L1CAM: variants seen among roughly 807,000 people sequenced by gnomAD.
L1CAM encodes the protein L1 cell adhesion molecule.
Under a neutral mutation model 93.0 loss-of-function variants are expected in L1CAM, and 8 were observed. The ratio of observed to expected loss-of-function variants is 0.09; its 90% CI spans 0.05 to 0.16. The LOEUF (loss-of-function observed/expected upper bound fraction) is 0.16, where lower values mean the gene tolerates loss of function less well. L1CAM is among the 10% of genes least tolerant of loss of function. The pLI, the probability that L1CAM is intolerant of heterozygous loss-of-function variation, is 1.00. For synonymous variants in L1CAM, 453 were observed against 453.0 expected (o/e 1.00, Z 0.00); for missense variants, 777 against 1,073.4 (o/e 0.72, Z 3.86).
At chrX:153,880,109 G>T (rs911360523) in intron 1 of L1CAM, among the ~76,000 whole-genome samples, 1 of 111,839 alleles carries the variant, frequency 8.9e-6, no homozygotes, top group Admixed American at 9.4e-5. Context: ...CACTACACCC[G>T]CAGGTCCCTC....
At chrX:153,883,819 G>A (rs1257689356) in intron 1 of L1CAM, 6 of 341,971 alleles carry the variant, frequency 1.8e-5, no homozygotes, top group East Asian at 9.7e-5. Flanking sequence ...GCCACTCTGC[G>A]AGGCCGCATC....
intron 20 of L1CAM, 53 bp downstream of exon 20, chrX:153,865,651 G>A: frequency 9.6e-7 from 1 of 1,044,372 alleles, no homozygotes; most frequent in East Asian, 3.0e-5. Context: ...TCACCATCCT[G>A]TCGCTTTACC....
chrX:153,870,267 C>A (rs1438144256), intron 8 of L1CAM, 27 bp from the exon 9 acceptor site: 10 of 1,202,101 alleles, frequency 8.3e-6, no homozygotes, highest in Non-Finnish European at 1.1e-5. Flanking sequence ...GGGAAGAGAG[C>A]AGAAGGGAGA....
rs782028200 is a variant in L1CAM, at chrX:153,864,366, T to C, written c.3278A>G (p.Glu1093Gly). The change falls in exon 25 of 29, where the codon GAG becomes GGG. Residue 1093 changes from glutamate to glycine, a missense_variant. This residue lies in a region of L1CAM where 110 missense variants were observed against 141.7 expected (regional missense o/e 0.78). Coordinates refer to ENST00000370060, the MANE Select transcript of L1CAM (RefSeq NM_001278116.2). Reference sequence around the variant, plus strand: ...AGCCATTTGGTGCCGGAACATCCTCTCCTTAAACAAGTGGATCTCGTAGTC... The same window carrying C: ...AGCCATTTGGTGCCGGAACATCCTCCCCTTAAACAAGTGGATCTCGTAGTC... ...DTDYEIHLFK[E>G]RMFRHQMAVK... is the part of the protein sequence containing the mutation. 11 of 1,211,625 alleles carry C rather than the reference T, an allele frequency of 9.1e-6. No individual in the cohort carries two copies. Among genetic ancestry groups the C allele is most frequent in the Admixed American group, 2.2e-5 (1 of 46,064 alleles).
At chrX:153,864,504 G>A in intron 24 of L1CAM, 27 bp from the exon 25 acceptor site, 1 of 1,209,905 alleles carries the variant, frequency 8.3e-7, no homozygotes, top group South Asian at 1.8e-5. Flanking sequence ...GTGGCAGCAG[G>A]GGTGAGTCGG....
At chrX:153,873,001 G>C in intron 3 of L1CAM, 1 of 458,414 alleles carries the variant, frequency 2.2e-6, no homozygotes, top group Non-Finnish European at 3.8e-6. Flanking sequence ...CAGGGGAGAA[G>C]GGACCAGAGA....
chrX:153,875,750 C>T lies in L1CAM; in HGVS notation c.76+11G>A. 2 of 1,206,385 alleles carry T rather than the reference C, an allele frequency of 1.7e-6. No homozygotes were observed. The highest frequency in any genetic ancestry group is 2.2e-6 in the Non-Finnish European group (2 of 890,564). ...CGAAGGTAGGCGCCCAGGCTCCCTT[C>T]AGCTACTCACATTCCTCGGGGATCT... On this transcript the variant is annotated intron_variant, in intron 2 of 28. Transcript: ENST00000370060.
rs2064879569 is a variant in L1CAM at position 153,886,094 on chromosome X, G to C, written c.-138C>G. On this transcript the variant is annotated 5_prime_UTR_variant, in exon 1 of 29. Coordinates refer to ENST00000370060, the MANE Select transcript of L1CAM (RefSeq NM_001278116.2). ...GCTGCGGCCACCGCTCGGGCTGCCC[G>C]CCCAGCCTCCGCGCACGCCGGCCTC... 5.1e-6 allele frequency: 1 copy of C among 195,278 alleles called. No homozygotes were observed. The highest frequency in any genetic ancestry group is 7.7e-6 in the Non-Finnish European group (1 of 130,384). The allele number at this position is 195,278 out of a possible 1,213,427, so 16.1% of individuals were successfully genotyped here.
intron 28 of L1CAM, 24 bp from the exon 29 acceptor site, chrX:153,862,918 G>C (rs781923954): frequency 2.6e-6 from 3 of 1,140,233 alleles, no homozygotes; most frequent in African/African-American, 3.6e-5. Context: ...GGGCAGGTGC[G>C]AGTGAGAGCA....
At position 153,862,411 on chromosome X, in the gene L1CAM, C is replaced by G; in HGVS notation, c.*252G>C. 1 of 367,383 alleles carries G rather than the reference C, an allele frequency of 2.7e-6. No individual in the cohort carries two copies. The highest frequency in any genetic ancestry group is 4.1e-5 in the East Asian group (1 of 24,507). The allele number at this position is 367,383 out of a possible 1,213,427, so 30.3% of individuals were successfully genotyped here. A position where few individuals can be genotyped will look rare whatever the true frequency, so the allele number is the denominator to read the frequency against. ...TCCCCCAAACCACAGCCTCTCTGCC[C>G]AAATGGGCTGGCAAAACAGCACCCA... is the stretch of plus-strand genomic sequence containing the variant. On this transcript the variant is annotated 3_prime_UTR_variant, in exon 29 of 29. Transcript: ENST00000370060.
intron 25 of L1CAM, 137 bp from the exon 26 acceptor site, chrX:153,864,154 A>G: frequency 9.9e-7 from 1 of 1,013,779 alleles, no homozygotes; most frequent in African/African-American, 1.9e-5. Context: ...ATCTGCGGAA[A>G]GGGTATGAAA....
intron 5 of L1CAM, 67 bp from the exon 6 acceptor site, chrX:153,871,246 TG>T (rs2064767037): frequency 1.3e-5 from 3 of 230,021 alleles, no homozygotes; most frequent in Non-Finnish European, 2.3e-5. Flanking sequence ...AGAAGGGAGG[TG>T]GGGGCAGGGG....
rs1320396543 is a variant in L1CAM, at chrX:153,864,940, C to T, written c.2927G>A (p.Arg976Gln). 7 of 1,210,952 alleles carry T rather than the reference C, an allele frequency of 5.8e-6. No individual in the cohort carries two copies. The highest frequency in any genetic ancestry group is 2.3e-4 in the Middle Eastern group (1 of 4,376). The change falls in exon 23 of 29, where the codon CGG becomes CAG. Residue 976 changes from arginine (R) to glutamine (Q), a missense_variant. Physicochemically the swap from Arg to Gln is conservative, Grantham distance 43 (BLOSUM62 1). Coordinates refer to ENST00000370060, the MANE Select transcript of L1CAM (RefSeq NM_001278116.2). ...GCTGAGATCGGTCAGGTTGTGTGTC[C>T]GAAGTTCGGGGTCCCGAAGGTTGAA... is the stretch of plus-strand genomic sequence containing the variant. The part of the protein sequence containing the change: ...LSFNLRDPEL[R>Q]THNLTDLSPH...
chrX:153,867,701 C>T (rs782445108), intron 16 of L1CAM, 99 bp downstream of exon 16: 7 of 979,334 alleles, frequency 7.1e-6, no homozygotes, highest in African/African-American at 3.8e-5. Flanking sequence ...CCCCCCAAAC[C>T]GTGTCCCCCC....
chrX:153,868,602 T>A lies in L1CAM; in HGVS notation c.1505A>T (p.Asp502Val). The change falls in exon 13 of 29, where the codon GAC becomes GTC. Residue 502 changes from aspartate (D) to valine (V), a missense_variant. This residue lies in a region of L1CAM where 574 missense variants were observed against 781.0 expected (regional missense o/e 0.73). Transcript: ENST00000370060. ...AGCCATGATGGTAACATTGTTTTGGTCATTGGCAGCCAGGCAGAAGTAGCG... is the reference window on the plus strand; with the variant it reads ...AGCCATGATGGTAACATTGTTTTGGACATTGGCAGCCAGGCAGAAGTAGCG... ...TGRYFCLAAN[D>V]QNNVTIMANL... The A allele has an allele frequency of 1.6e-6, 2 of 1,212,186 alleles. No homozygotes were observed. Among genetic ancestry groups the A allele is most frequent in the Non-Finnish European group, 2.2e-6 (2 of 895,574 alleles).
chrX:153,869,256 G>A lies in L1CAM; in HGVS notation c.1267+264C>T, dbSNP rs185018671. On this transcript the variant is annotated intron_variant, in intron 11 of 28. Transcript: ENST00000370060. ...AGCCTTCCCTGAAGTTCCAGGAGAG[G>A]TGCCACCTGGGCTGGCCTTGGTCAC... The A allele has an allele frequency of 1.5e-5, 7 of 452,639 alleles. No homozygotes were observed. The African/African-American group carries it at 1.7e-4, about 11-fold the overall frequency. 37.3% of individuals were successfully genotyped at this position (452,639 alleles called of 1,213,427 possible).
At chrX:153,866,949 G>A in intron 18 of L1CAM, 78 bp from the exon 19 acceptor site, 1 of 1,126,551 alleles carries the variant, frequency 8.9e-7, no homozygotes, top group Non-Finnish European at 1.2e-6. Context: ...GCACAAACCA[G>A]CATCCCCAGA....
chrX:153,879,840 G>A (rs942920645), intron 1 of L1CAM, among the ~76,000 whole-genome samples: 1 of 112,219 alleles, frequency 8.9e-6, no homozygotes, highest in Non-Finnish European at 1.9e-5. Flanking sequence ...TATTGCTGCT[G>A]GCTGGGAGTA....
rs1969382523 is a variant in L1CAM, at chrX:153,862,711, G to T, written c.3726C>A (p.Asp1242Glu). 1 of 1,210,852 alleles carries T rather than the reference G, an allele frequency of 8.3e-7. No homozygotes were observed. Among genetic ancestry groups the T allele is most frequent in the Non-Finnish European group, 1.1e-6 (1 of 895,162 alleles). ...TGATGGGGGAAGTGGCCCCTGAGCT[G>T]TCATTGCCCCCTGCCGCCTCCTTCT... ...KKEKEAAGGN[D>E]SSGATSPINP... is the part of the protein sequence containing the mutation. The change falls in exon 29 of 29, where the codon GAC (aspartate) becomes GAA (glutamate). Residue 1242 changes from aspartate to glutamate, a missense_variant. Around this residue, in one of 5 missense-constraint regions of L1CAM, gnomAD observed 110 missense variants for 141.7 expected, o/e 0.78. Coordinates refer to ENST00000370060, the MANE Select transcript of L1CAM (RefSeq NM_001278116.2).
Sources: allele counts gnomAD v4.1 joint callset (sites outside exome capture counted in the v4.1 genomes callset), GRCh38; gene constraint gnomAD v4.1.1; regional missense constraint gnomAD v4.1.1; transcripts MANE v1.5; gene names NCBI Gene and HGNC (gene_info 2026-07-23, HGNC 2026-07-21).